USP47: variants seen among roughly 807,000 people sequenced by gnomAD.
USP47 encodes the protein ubiquitin specific peptidase 47, also known as ubiquitin carboxyl-terminal hydrolase 47.
Under a neutral mutation model 165.1 loss-of-function variants are expected in USP47, and 35 were observed. That is an observed-to-expected ratio of 0.21 (90% CI 0.16 to 0.28). The LOEUF is 0.28. Among genes scored for constraint, USP47 ranks in the 10% least tolerant of loss-of-function variants. The pLI, the probability that USP47 is intolerant of heterozygous loss-of-function variation, is 1.00. For synonymous variants in USP47, 531 were observed against 544.5 expected (o/e 0.98, Z 0.35); for missense variants, 1,277 against 1,607.4 (o/e 0.79, Z 3.52).
chr11:11,898,443 A>G (rs1201302602), intron 5 of USP47, among the ~76,000 whole-genome samples: 1 of 152,016 alleles, frequency 6.6e-6, no homozygotes, highest in Non-Finnish European at 1.5e-5. Context: ...TGGAACTTTT[A>G]ATATTGCTGA....
chr11:11,933,777 G>T (rs1456361293), intron 15 of USP47, 54 bp from the exon 16 acceptor site: 6 of 1,255,948 alleles, frequency 4.8e-6, no homozygotes, highest in Non-Finnish European at 5.7e-6. Flanking sequence ...GCTATCTACG[G>T]AAGAATTGAA....
chr11:11,923,186 C>T (rs931297888), intron 11 of USP47, among the ~76,000 whole-genome samples: 32 of 150,626 alleles, frequency 2.1e-4, no homozygotes, highest in Non-Finnish European at 3.6e-4. Flanking sequence ...GGTACAGAAA[C>T]GATGCCTAGT....
intron 8 of USP47, among the ~76,000 whole-genome samples, chr11:11,914,887 A>G (rs1361824785): frequency 6.6e-6 from 1 of 152,196 alleles, no homozygotes; most frequent in Non-Finnish European, 1.5e-5. Flanking sequence ...TGTATCACAC[A>G]TACACTGCTG....
intron 23 of USP47, 48 bp from the exon 24 acceptor site, chr11:11,950,316 T>A: frequency 7.7e-7 from 1 of 1,304,294 alleles, no homozygotes; most frequent in East Asian, 2.4e-5. Flanking sequence ...ATCTTTAAAT[T>A]GAGAGTTTCA....
chr11:11,868,452 T>A (rs1351662070), intron 1 of USP47, among the ~76,000 whole-genome samples: 2 of 152,174 alleles, frequency 1.3e-5, no homozygotes, highest in East Asian at 3.9e-4. Flanking sequence ...TTTTTTCAGG[T>A]TGTTACATGT....
chr11:11,922,663 T>C, intron 10 of USP47, 61 bp from the exon 11 acceptor site: 3 of 1,414,654 alleles, frequency 2.1e-6, no homozygotes, highest in East Asian at 2.6e-5. Flanking sequence ...AGGTACAAAG[T>C]TTTGTTGAAC....
intron 15 of USP47, among the ~76,000 whole-genome samples, chr11:11,933,467 T>A (rs1431922817): frequency 6.6e-6 from 1 of 152,144 alleles, no homozygotes; most frequent in Non-Finnish European, 1.5e-5. Context: ...CTTATGGAAT[T>A]ACCTAAGGAA....
chr11:11,842,348 C>A, intron 1 of USP47, 124 bp downstream of exon 1: 2 of 1,112,854 alleles, frequency 1.8e-6, no homozygotes, highest in East Asian at 2.8e-5. Flanking sequence ...AATGAGGAGG[C>A]GTGAGGCAGT....
intron 1 of USP47, among the ~76,000 whole-genome samples, chr11:11,847,764 T>G (rs1848508521): frequency 6.6e-6 from 1 of 152,224 alleles, no homozygotes; most frequent in Admixed American, 6.5e-5. Flanking sequence ...CTTTCCTTTC[T>G]TAACCATCCT....
At chr11:11,898,954 T>C (rs1447836095) in intron 5 of USP47, among the ~76,000 whole-genome samples, 2 of 152,250 alleles carry the variant, frequency 1.3e-5, no homozygotes, top group Admixed American at 1.3e-4. Flanking sequence ...GTATGAATTT[T>C]ATGCTATTAT....
chr11:11,908,133 G>A (rs956344145), intron 8 of USP47, among the ~76,000 whole-genome samples: 1 of 152,108 alleles, frequency 6.6e-6, no homozygotes, highest in African/African-American at 2.4e-5. Flanking sequence ...ACACTAGCAC[G>A]TGCATGTGCA....
At chr11:11,847,261 T>TG (rs554866768) in intron 1 of USP47, among the ~76,000 whole-genome samples, 39 of 151,974 alleles carry the variant, frequency 2.6e-4, no homozygotes, top group South Asian at 1.7e-3. Context: ...ATTGTAGTTT[T>TG]GGGGGTATTT....
At chr11:11,903,628 A>G (rs1168291236) in intron 7 of USP47, among the ~76,000 whole-genome samples, 1 of 152,160 alleles carries the variant, frequency 6.6e-6, no homozygotes, top group Non-Finnish European at 1.5e-5. Flanking sequence ...AAAACTGTAT[A>G]TATGTGTTTT....
intron 1 of USP47, among the ~76,000 whole-genome samples, chr11:11,843,837 C>A (rs529403359): frequency 3.3e-5 from 5 of 152,132 alleles, no homozygotes; most frequent in Non-Finnish European, 7.4e-5. Context: ...AGATTAAATG[C>A]CTGTCCTTTT....
chr11:11,928,290 G>C (rs77000389), intron 11 of USP47, among the ~76,000 whole-genome samples: 3,281 of 151,892 alleles, frequency 0.022, 93 homozygotes, highest in East Asian at 0.082. Flanking sequence ...AACACATTTT[G>C]GATTGCAAAT....
intron 8 of USP47, among the ~76,000 whole-genome samples, chr11:11,908,701 GCCTT>G (rs770140409): frequency 0.2 from 30,559 of 151,590 alleles, 3,418 homozygotes; most frequent in Admixed American, 0.35. Flanking sequence ...GTCAAAAAAA[GCCTT>G]TTATTATAAT....
chr11:11,940,065 A>G (rs1351591859), intron 18 of USP47, among the ~76,000 whole-genome samples: 1 of 152,052 alleles, frequency 6.6e-6, no homozygotes, highest in Non-Finnish European at 1.5e-5. Flanking sequence ...GTCAAAAGCC[A>G]AGAAGTTCAA....
Position 11,930,031 on chromosome 11 carries a change from AAC to A in USP47, c.1519-9_1519-8del, listed in dbSNP as rs1399921169. ...ATAGAATTTGCAAAAAAAATCATGTAACACATTTTCAGATAACACAAGAGGAC... is the reference window on the plus strand; with the variant it reads ...ATAGAATTTGCAAAAAAAATCATGTAACATTTTCAGATAACACAAGAGGAC... On this transcript the variant is annotated splice_polypyrimidine_tract_variant and intron_variant, in intron 12 of 27. Coordinates refer to ENST00000527733, the MANE Select transcript of USP47 (RefSeq NM_001282659.2). The A allele has an allele frequency of 8.7e-6, 14 of 1,611,152 alleles. No homozygotes were observed. The highest frequency in any genetic ancestry group is 1.1e-5 in the Non-Finnish European group (13 of 1,177,908).
chr11:11,916,079 G>T (rs569900563), intron 8 of USP47, among the ~76,000 whole-genome samples: 2 of 152,130 alleles, frequency 1.3e-5, no homozygotes, highest in Non-Finnish European at 2.9e-5. Flanking sequence ...GGAATAACCC[G>T]TATTGTTTTT....
Sources: gnomAD v4.1 joint callset for allele counts (sites outside exome capture counted in the v4.1 genomes callset) on GRCh38, gnomAD v4.1.1 for gene constraint, MANE v1.5 for transcripts, NCBI Gene and HGNC (gene_info 2026-07-23, HGNC 2026-07-21) for gene names.